Variants in PGBD2 observed in about 807,000 individuals in gnomAD.
PGBD2 encodes the protein piggyBac transposable element-derived protein 2.
PGBD2 carries 6 observed loss-of-function variants against 8.1 expected under a neutral mutation model. That is an observed-to-expected ratio of 0.74 (90% confidence interval 0.40 to 1.46). The LOEUF is 1.46. Among genes scored for constraint, PGBD2 ranks in the 40% most tolerant of loss-of-function variants. PGBD2 has a pLI of 0.02. For missense variants in PGBD2, 802 were observed against 739.0 expected, an observed-to-expected ratio of 1.09 and a Z score of -0.99; for synonymous variants, 318 against 272.2, an observed-to-expected ratio of 1.17 and a Z score of -1.66.
chr1:248,892,243 T>TTTCC, the PGBD2 span, among the ~76,000 whole-genome samples: 5 of 99,988 alleles, frequency 5.0e-5, no homozygotes, highest in Non-Finnish European at 9.9e-5. Flanking sequence ...TGTTCCTTCC[T>TTTCC]TCCCTCCCTC....
chr1:248,896,110 T>C, the PGBD2 span, among the ~76,000 whole-genome samples: 1 of 152,142 alleles, frequency 6.6e-6, no homozygotes. Context: ...AGTGAGAGCA[T>C]ACAATATTTG....
chr1:248,873,498 A>G, the PGBD2 span, among the ~76,000 whole-genome samples: 1 of 152,242 alleles, frequency 6.6e-6, no homozygotes, highest in Non-Finnish European at 1.5e-5. Context: ...CGTTTTTCCA[A>G]CTACTTTCCG....
chr1:248,915,191 C>T (rs921149664), intron 2 of PGBD2, among the ~76,000 whole-genome samples: 1 of 152,240 alleles, frequency 6.6e-6, no homozygotes, highest in Non-Finnish European at 1.5e-5. Context: ...CCAATTAGAA[C>T]TAAAGTGCTG....
At chr1:248,929,063 A>G in the PGBD2 span, among the ~76,000 whole-genome samples, 2 of 152,076 alleles carry the variant, frequency 1.3e-5, no homozygotes, top group South Asian at 4.1e-4. Flanking sequence ...TTTTTTAAGT[A>G]TTTGTTTTAT....
the PGBD2 span, among the ~76,000 whole-genome samples, chr1:248,886,531 A>C: frequency 6.6e-6 from 1 of 152,254 alleles, no homozygotes; most frequent in Non-Finnish European, 1.5e-5. Flanking sequence ...AAAGAGAAGA[A>C]AAATATCTTC....
At chr1:248,922,003 G>A (rs775794640), downstream of PGBD2, among the ~76,000 whole-genome samples, 2 of 151,498 alleles carry the variant, frequency 1.3e-5, no homozygotes, top group Non-Finnish European at 2.9e-5. Flanking sequence ...CTTTGCTGAT[G>A]TTGCCTATCA....
the PGBD2 span, among the ~76,000 whole-genome samples, chr1:248,899,114 G>A: frequency 1.3e-5 from 2 of 152,288 alleles, no homozygotes; most frequent in South Asian, 4.1e-4. Flanking sequence ...CAAGTTCTTA[G>A]AGAGTTACAG....
At chr1:248,883,176 T>G in the PGBD2 span, among the ~76,000 whole-genome samples, 2 of 152,186 alleles carry the variant, frequency 1.3e-5, no homozygotes, top group East Asian at 1.9e-4. Context: ...CAGGCTGGAG[T>G]GCAATGGCGG....
At chr1:248,927,853 T>G in the PGBD2 span, among the ~76,000 whole-genome samples, 1 of 152,126 alleles carries the variant, frequency 6.6e-6, no homozygotes, top group Non-Finnish European at 1.5e-5. Flanking sequence ...GATAGATAGA[T>G]GATAGATAAA....
chr1:248,913,506 G>A (rs1009423538), intron 1 of PGBD2, among the ~76,000 whole-genome samples: 5 of 152,168 alleles, frequency 3.3e-5, no homozygotes, highest in Admixed American at 6.5e-5. Context: ...GCAGCGGGAT[G>A]TTCTACTGGC....
chr1:248,908,961 T>C (rs1327819960), intron 1 of PGBD2, among the ~76,000 whole-genome samples: 2 of 152,228 alleles, frequency 1.3e-5, no homozygotes, highest in Non-Finnish European at 2.9e-5. Context: ...GTTTCCGTTT[T>C]ACGGGTTTTG....
the PGBD2 span, among the ~76,000 whole-genome samples, chr1:248,878,327 C>T: frequency 5.9e-5 from 9 of 152,060 alleles, no homozygotes; most frequent in Non-Finnish European, 8.8e-5. Context: ...CTACGGGGCC[C>T]GCCACCACGC....
chr1:248,874,348 G>A, the PGBD2 span, among the ~76,000 whole-genome samples: 1,617 of 152,270 alleles, frequency 0.011, 38 homozygotes, highest in African/African-American at 0.038. Context: ...TGTTGCCGCA[G>A]GGCTAACCAT....
the PGBD2 span, among the ~76,000 whole-genome samples, chr1:248,887,727 G>A: frequency 6.6e-6 from 1 of 152,098 alleles, no homozygotes; most frequent in Non-Finnish European, 1.5e-5. Context: ...TTATCATTAG[G>A]TTGTGGCAAA....
chr1:248,890,183 T>C, the PGBD2 span, among the ~76,000 whole-genome samples: 2 of 152,070 alleles, frequency 1.3e-5, no homozygotes, highest in Non-Finnish European at 2.9e-5. Flanking sequence ...TGACTCAGCC[T>C]CCCACAGTGC....
At chr1:248,895,641 A>G in the PGBD2 span, among the ~76,000 whole-genome samples, 1 of 151,922 alleles carries the variant, frequency 6.6e-6, no homozygotes, top group Non-Finnish European at 1.5e-5. Flanking sequence ...TGGTGCACTA[A>G]GATTTTGGTA....
downstream of PGBD2, among the ~76,000 whole-genome samples, chr1:248,923,449 T>C (rs2103122551): frequency 6.6e-6 from 1 of 152,306 alleles, no homozygotes; most frequent in South Asian, 2.1e-4. Flanking sequence ...TTCATGTCTC[T>C]ATCACCTTGA....
the PGBD2 span, among the ~76,000 whole-genome samples, chr1:248,877,091 T>C: frequency 6.6e-6 from 1 of 152,284 alleles, no homozygotes; most frequent in South Asian, 2.1e-4. Context: ...AAAACAATAT[T>C]TGTATCCAGC....
At chr1:248,899,641 A>G in the PGBD2 span, among the ~76,000 whole-genome samples, 1 of 152,222 alleles carries the variant, frequency 6.6e-6, no homozygotes, top group South Asian at 2.1e-4. Flanking sequence ...AAAAAGCCAG[A>G]AAGAGCTCAA....
Sources: gnomAD v4.1 joint callset for allele counts (sites outside exome capture counted in the v4.1 genomes callset) on GRCh38, gnomAD v4.1.1 for gene constraint, MANE v1.5 for transcripts, NCBI Gene and HGNC (gene_info 2026-07-23, HGNC 2026-07-21) for gene names.